F10: variants seen among roughly 807,000 people sequenced by gnomAD.
The protein encoded by F10 is coagulation factor X, also known as Stuart-Prower factor.
In F10, 29 loss-of-function variants were observed where a neutral mutation model predicts 37.1. That is an observed-to-expected ratio of 0.78 (90% CI 0.58 to 1.07). The LOEUF (loss-of-function observed/expected upper bound fraction) is 1.07, where lower values mean the gene tolerates loss of function less well. F10 is among the 50% of genes least tolerant of loss of function. The pLI, the probability that F10 is intolerant of heterozygous loss-of-function variation, is 0.00. For synonymous variants in F10, 262 were observed against 268.6 expected (o/e 0.98, Z 0.24); for missense variants, 539 against 667.9 (o/e 0.81, Z 2.13).
intron 4 of F10, 81 bp from the exon 5 acceptor site, chr13:113,140,838 T>C (rs575467863): frequency 1.9e-6 from 3 of 1,606,500 alleles, no homozygotes; most frequent in Non-Finnish European, 2.6e-6. Context: ...GACAGGCAAG[T>C]GGATGTAGCT....
chr13:113,124,601 GGACCCTGCTGT>G (rs2142246799), intron 1 of F10, among the ~76,000 whole-genome samples: 1 of 152,358 alleles, frequency 6.6e-6, no homozygotes, highest in South Asian at 2.1e-4. Context: ...GTCCCACTCA[GGACCCTGCTGT>G]GCACACTTTT....
At position 113,147,425 on chromosome 13, in the gene F10, T is replaced by G. The variant is rs1168806869; in HGVS notation, c.794T>G (p.Ile265Ser). ...EENEGFCGGT[I>S]LSEFYILTAA... ...AACGAGGGTTTCTGTGGTGGAACCA[T>G]TCTGAGCGAGTTCTACATCCTAACG... The change falls in exon 7 of 8, where the codon ATT becomes AGT. Residue 265 changes from isoleucine to serine, a missense_variant. Ile to Ser is a moderately radical substitution (Grantham distance 142). This residue lies in a region of F10 where 409 missense variants were observed against 547.9 expected (regional missense o/e 0.75). Coordinates refer to ENST00000375559, the MANE Select transcript of F10 (RefSeq NM_000504.4). The G allele has an allele frequency of 6.2e-7, 1 of 1,613,948 alleles. No homozygotes were observed. Among genetic ancestry groups the G allele is most frequent in the Non-Finnish European group, 8.5e-7 (1 of 1,179,848 alleles).
intron 7 of F10, 32 bp downstream of exon 7, chr13:113,147,528 G>A (rs751012368): frequency 1.5e-6 from 2 of 1,351,642 alleles, no homozygotes; most frequent in Non-Finnish European, 2.1e-6. Flanking sequence ...GGGCCGTGGT[G>A]AGGGGCACCG....
intron 1 of F10, among the ~76,000 whole-genome samples, chr13:113,123,488 A>C (rs905355994): frequency 4.6e-5 from 7 of 152,176 alleles, no homozygotes; most frequent in African/African-American, 1.7e-4. Context: ...GTCTGTCCAA[A>C]AGCAGAGGCC....
At chr13:113,124,260 A>G (rs925542048) in intron 1 of F10, among the ~76,000 whole-genome samples, 3 of 152,190 alleles carry the variant, frequency 2.0e-5, no homozygotes, top group Non-Finnish European at 4.4e-5. Context: ...GGATGAGAAG[A>G]CAGGCCAGGA....
In F10 at chr13:113,141,029, G is replaced by A. The variant is rs375847622; in HGVS notation, c.481G>A (p.Gly161Ser). ...CARGYTLADN[G>S]KACIPTGPYP... ...CCGCGGGTACACCCTGGCTGACAAC[G>A]GCAAGGCCTGCATTCCCACAGGTAG... The change falls in exon 5 of 8, where the codon GGC (glycine) becomes AGC (serine). Residue 161 changes from glycine (G) to serine (S), a missense_variant. This residue lies in a region of F10 where 409 missense variants were observed against 547.9 expected (regional missense o/e 0.75). Transcript: ENST00000375559. The surrounding 1 kb of genome is among the most constrained non-coding windows in gnomAD (Gnocchi z 5.4). The A allele has an allele frequency of 3.8e-5, 61 of 1,613,822 alleles. No individual in the cohort carries two copies. The highest frequency in any genetic ancestry group is 4.6e-5 in the Non-Finnish European group (54 of 1,180,036).
In F10 at chr13:113,144,206, G is replaced by C; in HGVS notation, c.747+111G>C. On this transcript the variant is annotated intron_variant, in intron 6 of 7. Transcript: ENST00000375559. This position sits in a 1 kb window ranked among gnomAD's most constrained non-coding sequence, Gnocchi z 6.4. ...TAGCAATCCGGGAAGGAACTGTTCC[G>C]AACTAGGACAGAGGGGCTCCGCCAC... 2.0e-6 allele frequency: 3 copies of C among 1,532,672 alleles called. No homozygotes were observed. Among genetic ancestry groups the C allele is most frequent in the Non-Finnish European group, 1.8e-6 (2 of 1,127,950 alleles). 94.9% of individuals were successfully genotyped at this position (1,532,672 alleles called of 1,614,324 possible). A position where few individuals can be genotyped will look rare whatever the true frequency, so the allele number is the denominator to read the frequency against.
At chr13:113,130,204 C>A in intron 2 of F10, 1 of 166,844 alleles carries the variant, frequency 6.0e-6, no homozygotes, top group Non-Finnish European at 1.3e-5. Flanking sequence ...ACGGTGCCTG[C>A]GCAGCAGGAA....
rs182036131 is a variant in F10 at position 113,137,777 on chromosome 13, G to C, written c.232-680G>C. ...CATCTTCGCATGGCCTTCTCTCTCT[G>C]TGCCTCTGTGTGACTTTTTCTGTCT... On this transcript the variant is annotated intron_variant, in intron 2 of 7. Transcript: ENST00000375559. 1.7e-3 allele frequency among the ~76,000 whole-genome samples: 261 copies of C among 152,236 alleles called. 2 individuals are homozygous for C. Among genetic ancestry groups the C allele is most frequent in the African/African-American group, 6.0e-3 (251 of 41,536 alleles).
chr13:113,124,044 G>A (rs748654289), intron 1 of F10, among the ~76,000 whole-genome samples: 54 of 152,308 alleles, frequency 3.5e-4, no homozygotes, highest in African/African-American at 5.1e-4. Context: ...CATCATCATC[G>A]ACAGCAAAGC....
At chr13:113,127,306 G>A (rs988618624) in intron 1 of F10, among the ~76,000 whole-genome samples, 1 of 152,166 alleles carries the variant, frequency 6.6e-6, no homozygotes, top group African/African-American at 2.4e-5. Flanking sequence ...CTGAGATGAG[G>A]GAAGGCATCT....
In F10 at chr13:113,125,633, C is replaced by T. The variant is rs567324470; in HGVS notation, c.70+2708C>T. 8.5e-5 allele frequency among the ~76,000 whole-genome samples: 13 copies of T among 152,380 alleles called. No homozygotes were observed. The South Asian group carries it at 2.5e-3, about 29-fold the overall frequency. On this transcript the variant is annotated intron_variant, in intron 1 of 7. Transcript: ENST00000375559. The stretch of plus-strand genomic sequence containing the variant: ...TTACTCACATCAGAAAGTGTGGCCA[C>T]GTGGCCCAGACCCGGCCTGCTCAGT...
intron 1 of F10, among the ~76,000 whole-genome samples, chr13:113,123,720 G>A (rs938189918): frequency 1.3e-5 from 2 of 152,198 alleles, no homozygotes; most frequent in African/African-American, 4.8e-5. Context: ...TGGGAAGGCT[G>A]AGTGGATCCT....
chr13:113,134,169 C>G (rs1228132114), intron 2 of F10, among the ~76,000 whole-genome samples: 2 of 152,102 alleles, frequency 1.3e-5, no homozygotes, highest in African/African-American at 4.8e-5. Context: ...ACTGGAAGTC[C>G]TAGCTCTAAG....
chr13:113,129,763 C>T, intron 2 of F10, 151 bp downstream of exon 2: 10 of 1,005,796 alleles, frequency 9.9e-6, no homozygotes, highest in Non-Finnish European at 1.5e-5. Context: ...AAATCGAGGC[C>T]TCGGCGGAGT....
rs1259193341 is a variant in F10 at position 113,140,989 on chromosome 13, G to A, written c.441G>A (p.Val147=). Residue 147 remains valine, a synonymous_variant, in exon 5 of 8, where the codon GTG becomes GTA. Transcript: ENST00000375559. ...TCTGCCACGAGGAACAGAACTCTGT[G>A]GTGTGCTCCTGCGCCCGCGGGTACA... ...DQFCHEEQNS[V]VCSCARGYTL... 1 of 1,614,018 alleles carries A rather than the reference G, an allele frequency of 6.2e-7. No homozygotes were observed. Among genetic ancestry groups the A allele is most frequent in the South Asian group, 1.1e-5 (1 of 91,090 alleles).
At chr13:113,133,973 A>G (rs2036456348) in intron 2 of F10, among the ~76,000 whole-genome samples, 1 of 152,216 alleles carries the variant, frequency 6.6e-6, no homozygotes, top group African/African-American at 2.4e-5. Flanking sequence ...TTTAACATCC[A>G]TTTATGATTT....
In F10 at chr13:113,129,631, C is replaced by T; in HGVS notation, c.231+19C>T. On this transcript the variant is annotated intron_variant, in intron 2 of 7. Transcript: ENST00000375559. ...CAAGACGGTAAGGGCTGGGGATAGC[C>T]TGGCTGTTGGTAAGGAGCTCAGGCC... The T allele has an allele frequency of 6.2e-7, 1 of 1,613,860 alleles. No homozygotes were observed. The highest frequency in any genetic ancestry group is 1.1e-5 in the South Asian group (1 of 91,050).
chr13:113,130,448 G>C (rs2036422762), intron 2 of F10: 2 of 152,466 alleles, frequency 1.3e-5, no homozygotes, highest in African/African-American at 2.4e-5. Context: ...AAGTGGAAGT[G>C]GGCGGTGGTG....
Sources: allele counts gnomAD v4.1 joint callset (sites outside exome capture counted in the v4.1 genomes callset), GRCh38; gene constraint gnomAD v4.1.1; regional missense constraint gnomAD v4.1.1; non-coding constraint Gnocchi (gnomAD v3.1); transcripts MANE v1.5; gene names NCBI Gene and HGNC (gene_info 2026-07-23, HGNC 2026-07-21).